The following SNX27 variants were observed in gnomAD, a reference collection of about 807,000 sequenced individuals.
SNX27 encodes sorting nexin-27.
In SNX27, 22 loss-of-function variants were observed where a neutral mutation model predicts 71.6. The ratio of observed to expected loss-of-function variants is 0.31; its 90% CI spans 0.22 to 0.44. The LOEUF is 0.44. SNX27 is among the 20% of genes least tolerant of loss of function. The pLI, the probability that SNX27 is intolerant of heterozygous loss-of-function variation, is 1.00. For missense variants in SNX27, 531 were observed against 698.6 expected (o/e 0.76, Z 2.70); for synonymous variants, 269 against 277.2 (o/e 0.97, Z 0.29).
At chr1:151,615,533 C>T (rs1007759979) in intron 1 of SNX27, 8 of 208,874 alleles carry the variant, frequency 3.8e-5, no homozygotes, top group African/African-American at 1.9e-4. Flanking sequence ...GGCAATACTC[C>T]TTAGAGCTTT....
At chr1:151,643,327 C>G (rs1038596408) in intron 2 of SNX27, among the ~76,000 whole-genome samples, 12 of 149,812 alleles carry the variant, frequency 8.0e-5, no homozygotes, top group African/African-American at 2.7e-4. Flanking sequence ...CGGAGTCTCC[C>G]TCTGTCACCC....
chr1:151,679,780 T>G (rs1047259849), intron 7 of SNX27: 1 of 152,204 alleles, frequency 6.6e-6, no homozygotes. Context: ...ATTTAATTTT[T>G]TATTGAGAAG....
chr1:151,644,368 T>A (rs1383668285), intron 2 of SNX27, among the ~76,000 whole-genome samples: 3 of 152,228 alleles, frequency 2.0e-5, no homozygotes, highest in African/African-American at 7.2e-5. Context: ...TTCTGGACAT[T>A]TCATAGAAAT....
At chr1:151,634,092 A>G (rs535435462) in intron 1 of SNX27, among the ~76,000 whole-genome samples, 26 of 152,222 alleles carry the variant, frequency 1.7e-4, no homozygotes, top group Admixed American at 3.9e-4. Context: ...TATCAGCTGT[A>G]TATAAGAATG....
At chr1:151,622,716 G>C (rs1000511904) in intron 1 of SNX27, among the ~76,000 whole-genome samples, 3 of 152,088 alleles carry the variant, frequency 2.0e-5, no homozygotes, top group Admixed American at 1.3e-4. Flanking sequence ...ACAACTGAGT[G>C]GGGGATCCTC....
At chr1:151,638,575 TTGAC>T (rs2102632382) in intron 1 of SNX27, among the ~76,000 whole-genome samples, 1 of 152,314 alleles carries the variant, frequency 6.6e-6, no homozygotes, top group East Asian at 1.9e-4. Flanking sequence ...ATTGGATTGT[TTGAC>T]TGAAAAAGCT....
rs200106732 is a variant in SNX27 at position 151,692,948 on chromosome 1, G to T, written c.1427G>T (p.Arg476Leu). The T allele has an allele frequency of 1.5e-4, 246 of 1,614,072 alleles. No individual in the cohort carries two copies. The highest frequency in any genetic ancestry group is 2.0e-4 in the Non-Finnish European group (240 of 1,180,050). The change falls in exon 10 of 12, where the codon CGA (arginine) becomes CTA (leucine). Residue 476 changes from arginine to leucine, a missense_variant. Physicochemically the swap from Arg to Leu is moderately radical, Grantham distance 102. Transcript: ENST00000458013. ...VIAFEWDEMQ[R>L]WDTDEEGMAF... ...GCATTTGAATGGGATGAGATGCAGC[G>T]ATGGGACACAGATGAAGAAGGGATG... is the stretch of plus-strand genomic sequence containing the variant.
intron 1 of SNX27, among the ~76,000 whole-genome samples, chr1:151,625,366 T>TGTG (rs1667877583): frequency 6.6e-6 from 1 of 151,272 alleles, no homozygotes; most frequent in Non-Finnish European, 1.5e-5. Context: ...ATTAGTCAGG[T>TGTG]GTGGTGGCAT....
At chr1:151,679,682 A>T (rs574869984) in intron 7 of SNX27, 39 of 152,354 alleles carry the variant, frequency 2.6e-4, no homozygotes, top group African/African-American at 9.1e-4. Context: ...GAGGAAATAA[A>T]AAATTTTGCA....
At chr1:151,671,658 T>G (rs901690471) in intron 7 of SNX27, among the ~76,000 whole-genome samples, 3 of 152,162 alleles carry the variant, frequency 2.0e-5, no homozygotes, top group African/African-American at 4.8e-5. Flanking sequence ...TTGATAGGGA[T>G]TGCATTGAAT....
intron 1 of SNX27, among the ~76,000 whole-genome samples, chr1:151,622,309 G>A (rs1667710782): frequency 6.6e-6 from 1 of 152,056 alleles, no homozygotes; most frequent in Admixed American, 6.5e-5. Flanking sequence ...TCACATTCAT[G>A]TACAGGACCA....
chr1:151,633,879 T>C (rs953767497), intron 1 of SNX27, among the ~76,000 whole-genome samples: 3 of 152,228 alleles, frequency 2.0e-5, no homozygotes, highest in African/African-American at 7.2e-5. Flanking sequence ...ATTTGCTTTT[T>C]GATAGACATT....
chr1:151,644,604 T>C (rs1668948743), intron 2 of SNX27, among the ~76,000 whole-genome samples: 2 of 152,258 alleles, frequency 1.3e-5, no homozygotes, highest in African/African-American at 2.4e-5. Context: ...TGTGTAGATA[T>C]GTGTTTTCAT....
intron 6 of SNX27, 91 bp from the exon 7 acceptor site, chr1:151,668,381 A>G: frequency 8.4e-7 from 1 of 1,194,250 alleles, no homozygotes; most frequent in Non-Finnish European, 1.2e-6. Flanking sequence ...TAATGATAAC[A>G]TACCATTCTT....
chr1:151,648,792 C>CT (rs1169522564), intron 2 of SNX27, among the ~76,000 whole-genome samples: 9 of 152,032 alleles, frequency 5.9e-5, no homozygotes, highest in African/African-American at 1.9e-4. Flanking sequence ...ATTCCCTCTG[C>CT]TTGAAGAACT....
chr1:151,657,569 G>C (rs1413364115), intron 2 of SNX27, among the ~76,000 whole-genome samples: 1 of 152,058 alleles, frequency 6.6e-6, no homozygotes, highest in Admixed American at 6.5e-5. Context: ...ATCAACCCTA[G>C]GTTTTCAGCT....
intron 2 of SNX27, among the ~76,000 whole-genome samples, chr1:151,652,600 ACAGCATTTCACCATATTGGC>A (rs1404377891): frequency 9.9e-5 from 15 of 151,088 alleles, no homozygotes; most frequent in African/African-American, 3.4e-4. Context: ...TTTAGTAGAG[ACAGCATTTCACCATATTGGC>A]CAGGCTGGTC....
intron 1 of SNX27, among the ~76,000 whole-genome samples, chr1:151,619,466 A>T (rs1006932299): frequency 5.9e-5 from 9 of 151,848 alleles, no homozygotes; most frequent in Non-Finnish European, 1.3e-4. Context: ...TGCCCAGCTA[A>T]TTTTTTGTAT....
chr1:151,666,201 T>A, intron 6 of SNX27, 190 bp downstream of exon 6: 1 of 410,922 alleles, frequency 2.4e-6, no homozygotes, highest in Non-Finnish European at 4.3e-6. Flanking sequence ...TTTCCTCTTT[T>A]GTAAGTATAG....
Sources: gnomAD v4.1 joint callset for allele counts (sites outside exome capture counted in the v4.1 genomes callset) on GRCh38, gnomAD v4.1.1 for gene constraint, MANE v1.5 for transcripts, NCBI Gene and HGNC (gene_info 2026-07-23, HGNC 2026-07-21) for gene names.